The following FHIP2A variants were observed in gnomAD, a reference collection of about 807,000 sequenced individuals.
The protein encoded by FHIP2A is family with sequence similarity 160 member B1.
A neutral mutation model predicts 93.5 loss-of-function variants in FHIP2A; 46 were observed. The ratio of observed to expected loss-of-function variants is 0.49; its 90% CI spans 0.39 to 0.63. The LOEUF (loss-of-function observed/expected upper bound fraction) is 0.63. FHIP2A is among the 20% of genes least tolerant of loss of function. The probability of loss-of-function intolerance (pLI) is 0.00; values close to 1 mark genes in which losing one functional copy is unlikely to be tolerated. For missense variants in FHIP2A, 769 were observed against 909.7 expected, an observed-to-expected ratio of 0.85 and a Z score of 1.99; for synonymous variants, 332 against 326.5, an observed-to-expected ratio of 1.02 and a Z score of -0.18.
downstream of FHIP2A, among the ~76,000 whole-genome samples, chr10:114,867,655 A>G (rs1406205779): frequency 6.6e-6 from 1 of 152,166 alleles, no homozygotes; most frequent in Non-Finnish European, 1.5e-5. Flanking sequence ...ACCTAGGCTG[A>G]TGGAGATGGT....
At chr10:114,872,688 A>G (rs911099405) in intron 16 of FHIP2A, among the ~76,000 whole-genome samples, 3 of 152,222 alleles carry the variant, frequency 2.0e-5, no homozygotes, top group Non-Finnish European at 2.9e-5. Context: ...TAAAAGCTAT[A>G]TGGTCCCACA....
chr10:114,830,218 T>C (rs1325773971), intron 1 of FHIP2A, among the ~76,000 whole-genome samples: 1 of 151,940 alleles, frequency 6.6e-6, no homozygotes, highest in Non-Finnish European at 1.5e-5. Flanking sequence ...TTTACTGATA[T>C]GTCAGTAATA....
chr10:114,890,905 C>A (rs992727989), intron 16 of FHIP2A, among the ~76,000 whole-genome samples: 2 of 150,778 alleles, frequency 1.3e-5, no homozygotes, highest in African/African-American at 4.9e-5. Flanking sequence ...AAAATATATG[C>A]ATATACAGGC....
At chr10:114,843,596 A>C in intron 6 of FHIP2A, 145 bp from the exon 7 acceptor site, 8 of 617,204 alleles carry the variant, frequency 1.3e-5, no homozygotes, top group Non-Finnish European at 1.5e-5. Flanking sequence ...GAAGCTCCAC[A>C]GTTGGCCAAT....
intron 16 of FHIP2A, among the ~76,000 whole-genome samples, chr10:114,889,618 G>A (rs939574327): frequency 1.3e-5 from 2 of 152,144 alleles, no homozygotes; most frequent in Admixed American, 1.3e-4. Context: ...TTACTTCAGG[G>A]CTCCATCATC....
intron 16 of FHIP2A, among the ~76,000 whole-genome samples, chr10:114,876,031 T>A (rs1476028014): frequency 6.6e-6 from 1 of 151,486 alleles, no homozygotes; most frequent in Non-Finnish European, 1.5e-5. Context: ...AAAGAAAAGC[T>A]CTAGAAGGAA....
At chr10:114,832,834 C>T (rs766067127) in intron 2 of FHIP2A, among the ~76,000 whole-genome samples, 1 of 151,770 alleles carries the variant, frequency 6.6e-6, no homozygotes, top group Non-Finnish European at 1.5e-5. Context: ...GCCTCAGCCT[C>T]CTGAGTGGCT....
In FHIP2A at chr10:114,889,292, G is replaced by A. The variant is rs2083958813; in HGVS notation, c.2193-10198G>A. 2.0e-5 allele frequency among the ~76,000 whole-genome samples: 3 copies of A among 152,092 alleles called. No homozygotes were observed. In the South Asian group the frequency reaches 6.2e-4, roughly 32 times the overall value. On this transcript the variant is annotated intron_variant, in intron 16 of 16. Coordinates refer to the FHIP2A transcript ENST00000369250. ...CTAGAACTCAAACATTATAAAAGAA[G>A]GCTTGTTCTCCGCCTCTGCATAATC...
At chr10:114,835,128 T>C (rs1199705992) in intron 3 of FHIP2A, among the ~76,000 whole-genome samples, 3 of 152,232 alleles carry the variant, frequency 2.0e-5, no homozygotes, top group African/African-American at 7.2e-5. Context: ...GGAAAGTTGA[T>C]GACATGTCTG....
In FHIP2A at chr10:114,861,752, A is replaced by G. The variant is rs2083801313; in HGVS notation, c.*212A>G. The G allele has an allele frequency of 3.9e-6, 5 of 1,288,946 alleles. No individual in the cohort carries two copies. The South Asian group carries it at 9.4e-5, about 24-fold the overall frequency. 79.8% of individuals were successfully genotyped at this position (1,288,946 alleles called of 1,614,324 possible). A position where few individuals can be genotyped will look rare whatever the true frequency, so the allele number is the denominator to read the frequency against. On this transcript the variant is annotated 3_prime_UTR_variant, in exon 17 of 17. Coordinates refer to ENST00000369248, the MANE Select transcript of FHIP2A (RefSeq NM_020940.4). ...ATTGGCTTTATCATAATGGTTCTAT[A>G]TATACAATTGCACATTGTTGAATCC...
At chr10:114,860,005 TG>T (rs2083788429) in intron 14 of FHIP2A, among the ~76,000 whole-genome samples, 1 of 152,202 alleles carries the variant, frequency 6.6e-6, no homozygotes, top group Non-Finnish European at 1.5e-5. Context: ...TTGAATAATC[TG>T]AGGTGAGGAA....
At chr10:114,839,823 A>G (rs2083658014) in intron 5 of FHIP2A, among the ~76,000 whole-genome samples, 1 of 149,738 alleles carries the variant, frequency 6.7e-6, no homozygotes, top group Non-Finnish European at 1.5e-5. Context: ...CAGAGGTAGC[A>G]GTAAGCCAAG....
At chr10:114,839,388 A>G (rs1053830246) in intron 5 of FHIP2A, among the ~76,000 whole-genome samples, 1 of 152,060 alleles carries the variant, frequency 6.6e-6, no homozygotes, top group Non-Finnish European at 1.5e-5. Context: ...CAGCCTCCCA[A>G]AGTGCCAGGA....
chr10:114,880,034 T>C (rs539271950), intron 16 of FHIP2A, among the ~76,000 whole-genome samples: 24 of 152,308 alleles, frequency 1.6e-4, no homozygotes, highest in African/African-American at 5.8e-4. Flanking sequence ...GGGAAGACAA[T>C]AGTGGTGCTC....
chr10:114,885,675 C>A (rs1042854046), intron 16 of FHIP2A, among the ~76,000 whole-genome samples: 2 of 152,214 alleles, frequency 1.3e-5, no homozygotes, highest in Admixed American at 1.3e-4. Context: ...CTATTCACCC[C>A]ACCTAATCAG....
chr10:114,854,159 C>G (rs1378317189), intron 13 of FHIP2A, among the ~76,000 whole-genome samples: 1 of 136,242 alleles, frequency 7.3e-6, no homozygotes, highest in Middle Eastern at 3.9e-3. Flanking sequence ...TTTTTTATTT[C>G]CAATCTGTCA....
At chr10:114,896,685 C>T (rs1177526691) in intron 16 of FHIP2A, among the ~76,000 whole-genome samples, 2 of 152,242 alleles carry the variant, frequency 1.3e-5, no homozygotes, top group African/African-American at 4.8e-5. Flanking sequence ...CCAGACCGAA[C>T]CAATGTACTT....
intron 16 of FHIP2A, among the ~76,000 whole-genome samples, chr10:114,874,939 G>A (rs779986682): frequency 1.3e-4 from 20 of 152,230 alleles, no homozygotes; most frequent in Non-Finnish European, 4.4e-5. Flanking sequence ...CTGTACAGAT[G>A]AGAACACAAT....
At position 114,864,642 on chromosome 10, in the gene FHIP2A, T is replaced by G; in HGVS notation, c.*3102T>G. Reference sequence around the variant, plus strand: ...TCTTCAAAGGAAGTTGTGATCAAGTTCAACTTTTTGTGCTAACAATGCATG... The same window carrying G: ...TCTTCAAAGGAAGTTGTGATCAAGTGCAACTTTTTGTGCTAACAATGCATG... On this transcript the variant is annotated 3_prime_UTR_variant, in exon 17 of 17. Transcript: ENST00000369248. 1 of 985,732 alleles carries G rather than the reference T, an allele frequency of 1.0e-6. No homozygotes were observed. The highest frequency in any genetic ancestry group is 1.2e-6 in the Non-Finnish European group (1 of 829,870). 61.1% of individuals were successfully genotyped at this position (985,732 alleles called of 1,614,324 possible).
Sources: allele counts gnomAD v4.1 joint callset (sites outside exome capture counted in the v4.1 genomes callset), GRCh38; gene constraint gnomAD v4.1.1; transcripts MANE v1.5; gene names NCBI Gene and HGNC (gene_info 2026-07-23, HGNC 2026-07-21).